CSMD3: variants seen among roughly 807,000 people sequenced by gnomAD.
CSMD3 encodes CUB and sushi domain-containing protein 3.
Under a neutral mutation model 435.2 loss-of-function variants are expected in CSMD3, and 177 were observed. The ratio of observed to expected loss-of-function variants is 0.41; its 90% CI spans 0.36 to 0.46. The LOEUF is 0.46. Among genes scored for constraint, CSMD3 ranks in the 20% least tolerant of loss-of-function variants. The probability of loss-of-function intolerance (pLI) is 0.34; values close to 1 mark genes in which losing one functional copy is unlikely to be tolerated. For synonymous variants in CSMD3, 1,656 were observed against 1,520.5 expected (o/e 1.09, Z -2.07); for missense variants, 4,265 against 4,504.6 (o/e 0.95, Z 1.52).
chr8:112,609,354 C>T (rs775130788), intron 22 of CSMD3, among the ~76,000 whole-genome samples: 11 of 151,532 alleles, frequency 7.3e-5, no homozygotes, highest in East Asian at 1.9e-4. Context: ...ATGGGCTAGA[C>T]GTTTCAGTAG....
chr8:112,781,463 GACA>G (rs1445631068), intron 13 of CSMD3, among the ~76,000 whole-genome samples: 2 of 152,094 alleles, frequency 1.3e-5, no homozygotes, highest in African/African-American at 4.8e-5. Flanking sequence ...CTAGCTCACA[GACA>G]ACATTTCTAG....
chr8:112,409,079 A>G (rs1460620051), intron 32 of CSMD3, 47 bp from the exon 33 acceptor site: 1 of 1,612,318 alleles, frequency 6.2e-7, no homozygotes, highest in East Asian at 2.2e-5. Context: ...CAACCATCCA[A>G]AAACGAAAAC....
At chr8:112,801,233 C>G (rs1388157958) in intron 12 of CSMD3, among the ~76,000 whole-genome samples, 1 of 151,894 alleles carries the variant, frequency 6.6e-6, no homozygotes, top group East Asian at 1.9e-4. Flanking sequence ...TTGTAAAAAC[C>G]TACGAGAGTG....
intron 10 of CSMD3, among the ~76,000 whole-genome samples, chr8:112,908,059 GTAGT>G (rs1440728977): frequency 2.0e-5 from 3 of 151,370 alleles, no homozygotes; most frequent in Non-Finnish European, 4.4e-5. Flanking sequence ...GCCAAGTTCT[GTAGT>G]TAAAGTAATA....
intron 12 of CSMD3, among the ~76,000 whole-genome samples, chr8:112,814,128 G>T (rs1016377475): frequency 6.6e-6 from 1 of 152,160 alleles, no homozygotes; most frequent in Non-Finnish European, 1.5e-5. Flanking sequence ...TCATCTTGAG[G>T]TTACAGAAAG....
rs534416403 is a variant in CSMD3 at position 112,906,236 on chromosome 8, C to A, written c.1633+15391G>T. On this transcript the variant is annotated intron_variant, in intron 10 of 70. Transcript: ENST00000297405. ...CAAGTCTGGTAAAATCTCAGACCCTCACAGTTCTAGATACGTACCTCTAAC... is the reference window on the plus strand; with the variant it reads ...CAAGTCTGGTAAAATCTCAGACCCTAACAGTTCTAGATACGTACCTCTAAC... Among the ~76,000 whole-genome samples, 3 of 151,282 alleles carry A rather than the reference C, an allele frequency of 2.0e-5. No individual in the cohort carries two copies. In the South Asian group the frequency reaches 6.2e-4, roughly 31 times the overall value.
At chr8:112,350,777 T>C (rs1015596206) in intron 40 of CSMD3, among the ~76,000 whole-genome samples, 2 of 152,108 alleles carry the variant, frequency 1.3e-5, no homozygotes, top group Non-Finnish European at 2.9e-5. Flanking sequence ...TCTCATGAGG[T>C]GTCATACTCC....
rs1162563400 is a variant in CSMD3 at position 112,685,671 on chromosome 8, TTC to T, written c.2215_2216del (p.Glu739ArgfsTer5). ...TGCAATTTAAATTATTTCCATACCC[TTC>T]TGGGTAATCAGGAGAAAGAACTGTT... Reference protein sequence around the residue: ...MGTVLSPDYPEGYGNNLNCIW... With the variant: ...MGTVLSPDYPXGYGNNLNCIW... On this transcript the variant is annotated frameshift_variant, in exon 15 of 71. Transcript: ENST00000297405. LOFTEE classifies it high-confidence loss of function. 6.2e-7 allele frequency: 1 copy of T among 1,613,224 alleles called. No homozygotes were observed. Among genetic ancestry groups the T allele is most frequent in the Admixed American group, 1.7e-5 (1 of 59,996 alleles).
intron 1 of CSMD3, among the ~76,000 whole-genome samples, chr8:113,366,001 A>C (rs1310625868): frequency 6.6e-6 from 1 of 152,044 alleles, no homozygotes; most frequent in Non-Finnish European, 1.5e-5. Context: ...TTAGCCAAGA[A>C]TACTTTTATT....
At chr8:112,902,423 C>A (rs2082130021) in intron 10 of CSMD3, among the ~76,000 whole-genome samples, 1 of 151,170 alleles carries the variant, frequency 6.6e-6, no homozygotes, top group Non-Finnish European at 1.5e-5. Context: ...AAGGGCATCT[C>A]AGCTTTACGT....
At chr8:112,524,180 A>C (rs1489949165) in intron 27 of CSMD3, among the ~76,000 whole-genome samples, 1 of 151,952 alleles carries the variant, frequency 6.6e-6, no homozygotes, top group Non-Finnish European at 1.5e-5. Context: ...TATCATATAC[A>C]GTCAATGATA....
intron 9 of CSMD3, among the ~76,000 whole-genome samples, chr8:112,942,515 C>T (rs540431278): frequency 1.3e-4 from 20 of 151,676 alleles, no homozygotes; most frequent in East Asian, 7.8e-4. Flanking sequence ...ATATATACTG[C>T]GAAATACTAT....
At chr8:112,586,379 T>C (rs563438117) in intron 23 of CSMD3, among the ~76,000 whole-genome samples, 5 of 151,610 alleles carry the variant, frequency 3.3e-5, no homozygotes, top group African/African-American at 1.2e-4. Flanking sequence ...ATGATAAATA[T>C]AAACTATATT....
In CSMD3 at chr8:112,545,504, T is replaced by TA. The variant is rs1216562590; in HGVS notation, c.4564+5166dup. 6.3e-3 allele frequency among the ~76,000 whole-genome samples: 584 copies of TA among 93,020 alleles called. 9 individuals are homozygous for TA. The highest frequency in any genetic ancestry group is 0.024 in the African/African-American group (545 of 22,822). The allele number at this position is 93,020 out of a possible 152,430, so 61.0% of individuals were successfully genotyped here. Reference sequence around the variant, plus strand: ...TCTCAAAAAAAAAAAAAAAAAAAAATAATAATAATAATAATAATAATAAAT... The same window carrying TA: ...TCTCAAAAAAAAAAAAAAAAAAAAATAAATAATAATAATAATAATAATAAAT... On this transcript the variant is annotated intron_variant, in intron 27 of 70. Transcript: ENST00000297405.
In CSMD3 at chr8:112,685,673, C is replaced by G. The variant is rs1385410665; in HGVS notation, c.2215G>C (p.Glu739Gln). 6.2e-7 allele frequency: 1 copy of G among 1,613,272 alleles called. No homozygotes were observed. Among genetic ancestry groups the G allele is most frequent in the African/African-American group, 1.3e-5 (1 of 75,034 alleles). ...CAATTTAAATTATTTCCATACCCTT[C>G]TGGGTAATCAGGAGAAAGAACTGTT... ...MGTVLSPDYP[E>Q]GYGNNLNCIW... Residue 739 changes from glutamate (E) to glutamine (Q), a missense_variant, in exon 15 of 71, where the codon GAA (glutamate) becomes CAA (glutamine). This residue lies in a region of CSMD3 where 279 missense variants were observed against 369.0 expected (regional missense o/e 0.76). Coordinates refer to ENST00000297405, the MANE Select transcript of CSMD3 (RefSeq NM_198123.2).
intron 13 of CSMD3, among the ~76,000 whole-genome samples, chr8:112,754,827 T>A (rs888352195): frequency 2.6e-5 from 4 of 152,168 alleles, no homozygotes; most frequent in African/African-American, 9.6e-5. Context: ...GACTTCAAAG[T>A]CTCATATGAG....
At chr8:112,315,776 C>T (rs947978662) in intron 47 of CSMD3, among the ~76,000 whole-genome samples, 7 of 151,626 alleles carry the variant, frequency 4.6e-5, no homozygotes, top group African/African-American at 1.5e-4. Context: ...GAAATATATC[C>T]CATGCAATTT....
rs1386872137 is a variant in CSMD3 at position 112,244,496 on chromosome 8, G to A, written c.10300C>T (p.Leu3434=). 1.9e-6 allele frequency: 3 copies of A among 1,612,352 alleles called. No homozygotes were observed. The highest frequency in any genetic ancestry group is 2.5e-6 in the Non-Finnish European group (3 of 1,178,540). Residue 3434 remains leucine (L), a synonymous_variant, in exon 65 of 71, where the codon CTG becomes TTG. Transcript: ENST00000297405. ...AAGCCAGGCTGACAGGTATAAATCA[G>A]TGTATACCCATGAGATGGAAGGTCC... ...GMDLPSHGYT[L]IYTCQPGFFL...
intron 28 of CSMD3, among the ~76,000 whole-genome samples, chr8:112,507,121 A>G (rs892912187): frequency 1.3e-5 from 2 of 152,184 alleles, no homozygotes; most frequent in African/African-American, 4.8e-5. Flanking sequence ...TTTCATGTCA[A>G]AAGAAAAGCA....
Sources: gnomAD v4.1 joint callset for allele counts (sites outside exome capture counted in the v4.1 genomes callset) on GRCh38, gnomAD v4.1.1 for gene constraint, gnomAD v4.1.1 regional missense constraint, MANE v1.5 for transcripts, NCBI Gene and HGNC (gene_info 2026-07-23, HGNC 2026-07-21) for gene names.